BMPR1B: variants seen among roughly 807,000 people sequenced by gnomAD.
The protein encoded by BMPR1B is bone morphogenetic protein receptor type 1B.
BMPR1B carries 12 observed loss-of-function variants against 59.1 expected under a neutral mutation model. The observed-to-expected ratio is 0.20, with a 90% CI of 0.13 to 0.33. The LOEUF is 0.33. Among genes scored for constraint, BMPR1B ranks in the 10% least tolerant of loss-of-function variants. The probability of loss-of-function intolerance (pLI) is 1.00; values close to 1 mark genes in which losing one functional copy is unlikely to be tolerated. For synonymous variants in BMPR1B, 237 were observed against 207.3 expected (o/e 1.14, Z -1.23); for missense variants, 550 against 610.9 (o/e 0.90, Z 1.05).
At chr4:94,858,399 T>G (rs1248992665) in intron 1 of BMPR1B, among the ~76,000 whole-genome samples, 1 of 152,196 alleles carries the variant, frequency 6.6e-6, no homozygotes, top group African/African-American at 2.4e-5. Flanking sequence ...AAAATAAATT[T>G]GGCTATAAAA....
chr4:94,842,597 C>A (rs998093189), intron 1 of BMPR1B, among the ~76,000 whole-genome samples: 1 of 151,994 alleles, frequency 6.6e-6, no homozygotes, highest in Non-Finnish European at 1.5e-5. Context: ...ACTCTATTGC[C>A]CAGGCTGGAA....
intron 3 of BMPR1B, among the ~76,000 whole-genome samples, chr4:95,067,795 G>A (rs1488772434): frequency 3.9e-5 from 6 of 152,014 alleles, no homozygotes. Context: ...GTCTTCAAAC[G>A]TTGTGAAATG....
intron 4 of BMPR1B, among the ~76,000 whole-genome samples, chr4:95,113,393 T>TA (rs530136282): frequency 3.3e-5 from 5 of 152,262 alleles, no homozygotes; most frequent in African/African-American, 1.2e-4. Flanking sequence ...ATAAACCAAG[T>TA]AAACAATTCT....
chr4:94,763,290 G>T (rs1721847629), intron 1 of BMPR1B, among the ~76,000 whole-genome samples: 1 of 152,208 alleles, frequency 6.6e-6, no homozygotes, highest in African/African-American at 2.4e-5. Context: ...CTTCTTGAAA[G>T]AATTCATTAT....
chr4:95,097,703 A>G (rs1730531604), intron 3 of BMPR1B, among the ~76,000 whole-genome samples: 1 of 151,976 alleles, frequency 6.6e-6, no homozygotes, highest in African/African-American at 2.4e-5. Context: ...ATGCCCAGCT[A>G]ATTTTTGTAT....
intron 2 of BMPR1B, among the ~76,000 whole-genome samples, chr4:94,946,714 T>A (rs1314523850): frequency 6.6e-6 from 1 of 152,216 alleles, no homozygotes; most frequent in East Asian, 1.9e-4. Context: ...TTTCAGTTGC[T>A]GTATTTGGAG....
chr4:95,030,377 C>G (rs1462770040), intron 3 of BMPR1B, among the ~76,000 whole-genome samples: 1 of 152,046 alleles, frequency 6.6e-6, no homozygotes, highest in Non-Finnish European at 1.5e-5. Flanking sequence ...ATAGGGAATC[C>G]TTTCCCCATT....
chr4:95,134,622 T>C (rs138134010), intron 10 of BMPR1B, among the ~76,000 whole-genome samples: 1 of 152,246 alleles, frequency 6.6e-6, no homozygotes, highest in East Asian at 1.9e-4. Flanking sequence ...TGGCCAGTGA[T>C]GATGAGCATT....
At chr4:95,148,484 C>T (rs1454325516) in intron 10 of BMPR1B, among the ~76,000 whole-genome samples, 1 of 151,976 alleles carries the variant, frequency 6.6e-6, no homozygotes, top group African/African-American at 2.4e-5. Context: ...CCTCTAGGCT[C>T]AAGCTATCCT....
chr4:95,085,588 C>T (rs1041915535), intron 3 of BMPR1B, among the ~76,000 whole-genome samples: 1 of 152,182 alleles, frequency 6.6e-6, no homozygotes, highest in East Asian at 1.9e-4. Flanking sequence ...TTGCTTTCTC[C>T]ATGCATTGTG....
chr4:94,782,766 CTTTG>C (rs1402451814), intron 1 of BMPR1B, among the ~76,000 whole-genome samples: 5 of 152,098 alleles, frequency 3.3e-5, no homozygotes, highest in Admixed American at 6.5e-5. Flanking sequence ...ACTTTGAAAG[CTTTG>C]TTTGTCAGAT....
At chr4:95,120,651 T>TTCCTTCCTTCCTTCCTTCC (rs767350006) in intron 6 of BMPR1B, among the ~76,000 whole-genome samples, 6 of 34,310 alleles carry the variant, frequency 1.7e-4, no homozygotes, top group Non-Finnish European at 4.4e-4. Context: ...CCTTCCTTCC[T>TTCCTTCCTTCCTTCCTTCC]TTCCTTCCTT....
chr4:94,954,496 C>T (rs1730067356), intron 2 of BMPR1B, among the ~76,000 whole-genome samples: 1 of 152,162 alleles, frequency 6.6e-6, no homozygotes, highest in Non-Finnish European at 1.5e-5. Flanking sequence ...ACTCTGTTTA[C>T]ATAGATTTCA....
At chr4:94,918,165 A>G (rs1224261191) in intron 2 of BMPR1B, among the ~76,000 whole-genome samples, 2 of 152,058 alleles carry the variant, frequency 1.3e-5, no homozygotes, top group Non-Finnish European at 2.9e-5. Flanking sequence ...GTATTTCTTT[A>G]TAGCAAGAAA....
chr4:95,071,678 A>ATATATATATATATATG (rs1728310442), intron 3 of BMPR1B, among the ~76,000 whole-genome samples: 1 of 145,700 alleles, frequency 6.9e-6, no homozygotes, highest in Admixed American at 6.9e-5. Context: ...ATATATATAT[A>ATATATATATATATATG]TATGAACTCT....
At chr4:94,782,445 T>C (rs1722625584) in intron 1 of BMPR1B, among the ~76,000 whole-genome samples, 1 of 151,836 alleles carries the variant, frequency 6.6e-6, no homozygotes, top group Non-Finnish European at 1.5e-5. Context: ...AGCTGGACCA[T>C]AGGTGCATGT....
At chr4:95,101,068 C>T (rs944329996) in intron 3 of BMPR1B, among the ~76,000 whole-genome samples, 1 of 152,090 alleles carries the variant, frequency 6.6e-6, no homozygotes, top group Non-Finnish European at 1.5e-5. Flanking sequence ...ACCAGTGGGC[C>T]TCATGTAGGA....
At chr4:94,766,860 G>A (rs2110563773) in intron 1 of BMPR1B, among the ~76,000 whole-genome samples, 1 of 152,054 alleles carries the variant, frequency 6.6e-6, no homozygotes, top group Admixed American at 6.6e-5. Context: ...CAGATGATTG[G>A]TAATCTACAT....
intron 10 of BMPR1B, among the ~76,000 whole-genome samples, chr4:95,139,678 T>C (rs919640257): frequency 6.6e-6 from 1 of 152,106 alleles, no homozygotes; most frequent in East Asian, 1.9e-4. Context: ...GTGCTAGCAA[T>C]GAGCGAGGCT....
Sources: allele counts gnomAD v4.1 joint callset (sites outside exome capture counted in the v4.1 genomes callset), GRCh38; gene constraint gnomAD v4.1.1; transcripts MANE v1.5; gene names NCBI Gene and HGNC (gene_info 2026-07-23, HGNC 2026-07-21).